Variants in PCDHA12 observed in about 807,000 individuals in gnomAD.
PCDHA12 encodes the protein protocadherin alpha 12.
Under a neutral mutation model 60.0 loss-of-function variants are expected in PCDHA12, and 44 were observed. That is an observed-to-expected ratio of 0.73 (90% CI 0.58 to 0.94). The LOEUF is 0.94. Ranked by LOEUF, PCDHA12 falls within the 40% of genes least tolerant of loss-of-function variation. The pLI is 0.00. For synonymous variants in PCDHA12, 569 were observed against 553.0 expected (o/e 1.03, Z -0.40); for missense variants, 1,276 against 1,239.7 (o/e 1.03, Z -0.44).
intron 1 of PCDHA12, among the ~76,000 whole-genome samples, chr5:140,917,163 G>C (rs948639951): frequency 6.6e-6 from 1 of 152,182 alleles, no homozygotes; most frequent in Non-Finnish European, 1.5e-5. Flanking sequence ...ATATGGGAGG[G>C]GTGATGGTGG....
intron 1 of PCDHA12, among the ~76,000 whole-genome samples, chr5:140,892,835 A>G (rs2063695508): frequency 6.6e-6 from 1 of 152,200 alleles, no homozygotes. Context: ...ACAGTGCTGC[A>G]AAACACCACA....
chr5:140,934,534 G>A (rs1248269957), intron 1 of PCDHA12, among the ~76,000 whole-genome samples: 1 of 152,062 alleles, frequency 6.6e-6, no homozygotes, highest in Admixed American at 6.6e-5. Flanking sequence ...GAGAGCTACC[G>A]TTCTAATTCT....
intron 1 of PCDHA12, among the ~76,000 whole-genome samples, chr5:140,937,993 G>A (rs1554211932): frequency 6.6e-6 from 1 of 151,358 alleles, no homozygotes. Flanking sequence ...TGTTAACTTT[G>A]TATCCAATGT....
chr5:140,964,968 G>A lies in PCDHA12; in HGVS notation c.2368-13981G>A, dbSNP rs566051914. On this transcript the variant is annotated intron_variant, in intron 1 of 3. Coordinates refer to ENST00000398631, the MANE Select transcript of PCDHA12 (RefSeq NM_018903.4). ...GAGTGTGCTTGGTTGGTGGAACGAA[G>A]GGATGTGCTAGTTCAGGCCTTTGAA... 3.9e-5 allele frequency among the ~76,000 whole-genome samples: 6 copies of A among 152,326 alleles called. No individual in the cohort carries two copies. In the South Asian group the frequency reaches 1.0e-3, roughly 26 times the overall value.
chr5:140,883,530 A>G, intron 1 of PCDHA12: 1 of 1,614,156 alleles, frequency 6.2e-7, no homozygotes. Flanking sequence ...GTATCAGCCT[A>G]TGAACTGGTG....
intron 1 of PCDHA12, chr5:140,967,594 G>A: frequency 6.2e-7 from 1 of 1,614,142 alleles, no homozygotes; most frequent in Non-Finnish European, 8.5e-7. Flanking sequence ...GCACATTGGT[G>A]GTGAAGCTGA....
At chr5:140,967,609 C>T (rs1026350659) in intron 1 of PCDHA12, 26 of 1,614,056 alleles carry the variant, frequency 1.6e-5, no homozygotes, top group Middle Eastern at 1.6e-4. Flanking sequence ...AGCTGAATGC[C>T]TCAGACCCGG....
chr5:140,883,685 C>T (rs782100865), intron 1 of PCDHA12: 50 of 1,613,734 alleles, frequency 3.1e-5, no homozygotes, highest in Non-Finnish European at 3.7e-5. Context: ...GCCGGGCTGC[C>T]ACATCTTCAC....
chr5:140,926,609 G>T, intron 1 of PCDHA12: 1 of 350,856 alleles, frequency 2.9e-6, no homozygotes, highest in Non-Finnish European at 5.0e-6. Flanking sequence ...CCTCGTCTCT[G>T]CACCCCTAGG....
chr5:140,906,629 C>T (rs1554192599), intron 1 of PCDHA12, among the ~76,000 whole-genome samples: 1 of 152,222 alleles, frequency 6.6e-6, no homozygotes, highest in Non-Finnish European at 1.5e-5. Context: ...CTTCAGCAAG[C>T]ACCTCAGCAG....
chr5:140,883,640 C>T (rs143631680), intron 1 of PCDHA12: 5 of 1,613,958 alleles, frequency 3.1e-6, no homozygotes, highest in Non-Finnish European at 4.2e-6. Context: ...GTTCGCGCAG[C>T]CCGAGTACAC....
At chr5:140,971,952 C>T (rs782029862) in intron 1 of PCDHA12, among the ~76,000 whole-genome samples, 3 of 152,012 alleles carry the variant, frequency 2.0e-5, no homozygotes, top group Non-Finnish European at 4.4e-5. Context: ...CATCTGACTC[C>T]AAAAACTTTT....
At chr5:140,906,403 T>A (rs1583592944) in intron 1 of PCDHA12, among the ~76,000 whole-genome samples, 1 of 152,220 alleles carries the variant, frequency 6.6e-6, no homozygotes, top group East Asian at 1.9e-4. Context: ...AATTTTCATA[T>A]GAAGTCAATA....
At chr5:140,993,571 G>A (rs1298531948) in intron 3 of PCDHA12, among the ~76,000 whole-genome samples, 1 of 151,484 alleles carries the variant, frequency 6.6e-6, no homozygotes, top group Non-Finnish European at 1.5e-5. Flanking sequence ...TCCTTTCTAG[G>A]GATGCTTTTC....
At chr5:140,962,171 G>A (rs1218733161) in intron 1 of PCDHA12, among the ~76,000 whole-genome samples, 3 of 151,902 alleles carry the variant, frequency 2.0e-5, no homozygotes, top group Non-Finnish European at 4.4e-5. Context: ...CACCACACCC[G>A]GCCACTTATA....
intron 1 of PCDHA12, among the ~76,000 whole-genome samples, chr5:140,956,920 T>C (rs2095320734): frequency 1.3e-5 from 2 of 152,120 alleles, no homozygotes; most frequent in Non-Finnish European, 2.9e-5. Flanking sequence ...ACTTTAATCT[T>C]GCTGGATATA....
rs192756440 is a variant in PCDHA12, at chr5:140,876,883, G to C, written c.1411G>C (p.Gly471Arg). Residue 471 changes from glycine to arginine, a missense_variant, in exon 1 of 4, where the codon GGC (glycine) becomes CGC (arginine). Physicochemically the swap from Gly to Arg is moderately radical, Grantham distance 125. Coordinates refer to ENST00000398631, the MANE Select transcript of PCDHA12 (RefSeq NM_018903.4). ...TVFVKENNPPGCHIFTVSAWD... is the reference protein window; with the variant it reads ...TVFVKENNPPRCHIFTVSAWD... Reference sequence around the variant, plus strand: ...GTTCGTGAAGGAGAACAACCCGCCGGGCTGCCACATCTTCACGGTGTCGGC... The same window carrying C: ...GTTCGTGAAGGAGAACAACCCGCCGCGCTGCCACATCTTCACGGTGTCGGC... The C allele has an allele frequency of 2.2e-3, 3,631 of 1,614,132 alleles. 14 individuals are homozygous for C. Among genetic ancestry groups the C allele is most frequent in the Middle Eastern group, 9.1e-3 (55 of 6,048 alleles).
intron 1 of PCDHA12, among the ~76,000 whole-genome samples, chr5:140,948,738 A>T (rs1347138284): frequency 6.6e-6 from 1 of 151,488 alleles, no homozygotes; most frequent in African/African-American, 2.4e-5. Flanking sequence ...CTAGCTGAGA[A>T]TTTATCAATT....
At chr5:140,996,275 C>T (rs534624070) in intron 3 of PCDHA12, among the ~76,000 whole-genome samples, 43 of 152,224 alleles carry the variant, frequency 2.8e-4, no homozygotes, top group African/African-American at 8.7e-4. Flanking sequence ...GGGATTGCTG[C>T]CAAATTTCAA....
Sources: gnomAD v4.1 joint callset for allele counts (sites outside exome capture counted in the v4.1 genomes callset) on GRCh38, gnomAD v4.1.1 for gene constraint, MANE v1.5 for transcripts, NCBI Gene and HGNC (gene_info 2026-07-23, HGNC 2026-07-21) for gene names.